The following DENND3 variants were observed in gnomAD, a reference collection of about 807,000 sequenced individuals.
The protein encoded by DENND3 is DENN domain-containing protein 3.
A neutral mutation model predicts 135.1 loss-of-function variants in DENND3; 88 were observed. The observed-to-expected ratio is 0.65, with a 90% confidence interval of 0.55 to 0.78. DENND3 has a LOEUF of 0.78. Among genes scored for constraint, DENND3 ranks in the 30% least tolerant of loss-of-function variants. DENND3 has a pLI of 0.00. For synonymous variants in DENND3, 693 were observed against 712.3 expected, an observed-to-expected ratio of 0.97 and a Z score of 0.43; for missense variants, 1,392 against 1,688.4, an observed-to-expected ratio of 0.82 and a Z score of 3.08.
intron 5 of DENND3, chr8:141,150,391 A>G (rs1295464995): frequency 8.8e-7 from 1 of 1,130,304 alleles, no homozygotes; most frequent in South Asian, 1.4e-5. Flanking sequence ...TTTGAAATGC[A>G]CATGTCTTGA....
intron 9 of DENND3, among the ~76,000 whole-genome samples, chr8:141,162,207 A>G (rs1383493813): frequency 2.0e-5 from 3 of 152,240 alleles, no homozygotes; most frequent in Non-Finnish European, 2.9e-5. Context: ...TCTCTGCTCA[A>G]AGAGGCATAA....
chr8:141,178,028 G>T, intron 15 of DENND3, 39 bp from the exon 16 acceptor site: 1 of 1,577,590 alleles, frequency 6.3e-7, no homozygotes, highest in South Asian at 1.1e-5. Flanking sequence ...TGATCTTAGT[G>T]ATTCTTGCTG....
intron 1 of DENND3, among the ~76,000 whole-genome samples, chr8:141,135,605 AC>A (rs1409456567): frequency 1.3e-5 from 2 of 152,124 alleles, no homozygotes; most frequent in Non-Finnish European, 2.9e-5. Context: ...TTGCTCGCAG[AC>A]TGCAGGGTGT....
Position 141,151,741 on chromosome 8 carries a change from C to G in DENND3, c.978C>G (p.Phe326Leu). 6.2e-7 allele frequency: 1 copy of G among 1,614,196 alleles called. No homozygotes were observed. Among genetic ancestry groups the G allele is most frequent in the Non-Finnish European group, 8.5e-7 (1 of 1,180,034 alleles). The change falls in exon 7 of 23, where the codon TTC becomes TTG. Residue 326 changes from phenylalanine to leucine, a missense_variant. Physicochemically the swap from Phe to Leu is conservative, Grantham distance 22 (BLOSUM62 0). Coordinates refer to ENST00000519811, the MANE Select transcript of DENND3 (RefSeq NM_001352890.3). Reference sequence around the variant, plus strand: ...ATCCGCTGCAGTGGCAGCACCCCTTCGTGCCCATCCTGTCGGACCAGATGC... The same window carrying G: ...ATCCGCTGCAGTGGCAGCACCCCTTGGTGCCCATCCTGTCGGACCAGATGC... ...YLYPLQWQHPFVPILSDQMLD... is the reference protein window; with the variant it reads ...YLYPLQWQHPLVPILSDQMLD...
At chr8:141,134,192 G>C (rs1816493194) in intron 1 of DENND3, among the ~76,000 whole-genome samples, 1 of 152,326 alleles carries the variant, frequency 6.6e-6, no homozygotes, top group Non-Finnish European at 1.5e-5. Context: ...GAAAGTTTTA[G>C]AGAAAGTGAC....
chr8:141,168,477 G>A lies in DENND3; in HGVS notation c.2227G>A (p.Val743Met), dbSNP rs555053490. ...GAAGCGGGTCCAGGAGTCAGGGATC[G>A]TGAAGGACGCCAGCATCATACACCG... ...FMKRVQESGI[V>M]KDASIIHRLF... The change falls in exon 13 of 23, where the codon GTG becomes ATG. Residue 743 changes from valine (V) to methionine (M), a missense_variant. Transcript: ENST00000519811. The surrounding 1 kb of genome is among the most constrained non-coding windows in gnomAD (Gnocchi z 6.2). 28 of 1,613,370 alleles carry A rather than the reference G, an allele frequency of 1.7e-5. No homozygotes were observed. In the Admixed American group the frequency reaches 2.5e-4, roughly 14 times the overall value.
Position 141,182,071 on chromosome 8 carries a change from C to T in DENND3, c.2944+1217C>T, listed in dbSNP as rs777155289. 2.4e-4 allele frequency among the ~76,000 whole-genome samples: 37 copies of T among 152,234 alleles called. 1 individual carries two copies. Among genetic ancestry groups the T allele is most frequent in the Admixed American group, 6.5e-5 (1 of 15,290 alleles). On this transcript the variant is annotated intron_variant, in intron 17 of 22. Coordinates refer to ENST00000519811, the MANE Select transcript of DENND3 (RefSeq NM_001352890.3). The surrounding 1 kb of genome is among the most constrained non-coding windows in gnomAD (Gnocchi z 5.9). ...TTGGCCTCCCGAAGCGCTGGGATTA[C>T]AGGTGTGAGCCACTGCGCCAGCCCA...
intron 8 of DENND3, among the ~76,000 whole-genome samples, chr8:141,160,304 G>C (rs1230866134): frequency 6.6e-6 from 1 of 151,598 alleles, no homozygotes; most frequent in Admixed American, 6.6e-5. Context: ...TCAGCCTCCC[G>C]AGTAGCTGGG....
At chr8:141,185,313 A>C (rs1180506795) in intron 18 of DENND3, 35 bp downstream of exon 18, 2 of 1,612,258 alleles carry the variant, frequency 1.2e-6, no homozygotes, top group South Asian at 1.1e-5. Flanking sequence ...GAAGCCTCTG[A>C]ATTCACGTGA....
intron 5 of DENND3, chr8:141,150,359 T>G (rs1283137664): frequency 8.0e-7 from 1 of 1,251,754 alleles, no homozygotes; most frequent in Non-Finnish European, 1.0e-6. Context: ...GTAATACATT[T>G]AGAAAAACGT....
intron 3 of DENND3, among the ~76,000 whole-genome samples, chr8:141,140,735 A>G (rs1157607630): frequency 6.6e-6 from 1 of 152,132 alleles, no homozygotes; most frequent in Non-Finnish European, 1.5e-5. Context: ...GTGAGCCCCA[A>G]ATACTTTGCC....
At position 141,144,666 on chromosome 8, in the gene DENND3, GGTCA is replaced by G. The variant is rs372968350; in HGVS notation, c.735+409_735+412del. Among the ~76,000 whole-genome samples, 426 of 152,284 alleles carry G rather than the reference GGTCA, an allele frequency of 2.8e-3. 2 individuals are homozygous for G. The highest frequency in any genetic ancestry group is 0.01 in the African/African-American group (418 of 41,558). ...AATTCCCGGCCATGACAGGAAGGAAGGTCAGACACGCCTTGTTATGCCCGCTCCC... is the reference window on the plus strand; with the variant it reads ...AATTCCCGGCCATGACAGGAAGGAAGGACACGCCTTGTTATGCCCGCTCCC... On this transcript the variant is annotated intron_variant, in intron 5 of 22. Coordinates refer to ENST00000519811, the MANE Select transcript of DENND3 (RefSeq NM_001352890.3). This position sits in a 1 kb window ranked among gnomAD's most constrained non-coding sequence, Gnocchi z 4.4.
At position 141,137,793 on chromosome 8, in the gene DENND3, C is replaced by T. The variant is rs899410346; in HGVS notation, c.386-229C>T. On this transcript the variant is annotated intron_variant, in intron 2 of 22. Coordinates refer to ENST00000519811, the MANE Select transcript of DENND3 (RefSeq NM_001352890.3). This position sits in a 1 kb window ranked among gnomAD's most constrained non-coding sequence, Gnocchi z 4.1. ...CGGCTGTGCCCAGCAAGCACTGCCACTGGCTGGCAGGTGCTTGAGAGCTTG... is the reference window on the plus strand; with the variant it reads ...CGGCTGTGCCCAGCAAGCACTGCCATTGGCTGGCAGGTGCTTGAGAGCTTG... 2.0e-5 allele frequency among the ~76,000 whole-genome samples: 3 copies of T among 152,234 alleles called. No individual in the cohort carries two copies. Among genetic ancestry groups the T allele is most frequent in the African/African-American group, 7.2e-5 (3 of 41,458 alleles).
intron 1 of DENND3, among the ~76,000 whole-genome samples, chr8:141,131,507 G>A (rs947238927): frequency 3.9e-5 from 6 of 152,344 alleles, no homozygotes; most frequent in Middle Eastern, 3.4e-3. Flanking sequence ...GCACCGTGCA[G>A]TACAATAGCC....
intron 8 of DENND3, chr8:141,158,388 A>C: frequency 8.7e-7 from 1 of 1,143,730 alleles, no homozygotes; most frequent in Non-Finnish European, 1.1e-6. Flanking sequence ...CCAGGAAGGT[A>C]GGATTCTGCC....
chr8:141,159,640 CA>C (rs1033460028), intron 8 of DENND3, among the ~76,000 whole-genome samples: 18 of 152,286 alleles, frequency 1.2e-4, no homozygotes, highest in Non-Finnish European at 2.2e-4. Context: ...CCATCCCTAG[CA>C]CACAGATCAG....
rs551914822 is a variant in DENND3, at chr8:141,144,478, G to A, written c.735+219G>A. ...AAAAAACAGAATGACTGGCCAGAATGGAAGGGAGGTCAGACACGCCTGGTT... is the reference window on the plus strand; with the variant it reads ...AAAAAACAGAATGACTGGCCAGAATAGAAGGGAGGTCAGACACGCCTGGTT... On this transcript the variant is annotated intron_variant, in intron 5 of 22. Transcript: ENST00000519811. This position sits in a 1 kb window ranked among gnomAD's most constrained non-coding sequence, Gnocchi z 4.4. 1.3e-5 allele frequency among the ~76,000 whole-genome samples: 2 copies of A among 152,116 alleles called. No homozygotes were observed. Among genetic ancestry groups the A allele is most frequent in the Non-Finnish European group, 2.9e-5 (2 of 68,026 alleles).
At chr8:141,180,906 G>C in intron 17 of DENND3, 52 bp downstream of exon 17, 1 of 1,497,574 alleles carries the variant, frequency 6.7e-7, no homozygotes, top group Non-Finnish European at 9.2e-7. Flanking sequence ...AATCTGATGC[G>C]CTTAGGTTTG....
chr8:141,190,740 G>A (rs554498287), intron 20 of DENND3: 3 of 254,824 alleles, frequency 1.2e-5, no homozygotes, highest in East Asian at 1.9e-4. Flanking sequence ...TGTGTCCCCC[G>A]GAGTCATGGC....
Sources: allele counts gnomAD v4.1 joint callset (sites outside exome capture counted in the v4.1 genomes callset), GRCh38; gene constraint gnomAD v4.1.1; non-coding constraint Gnocchi (gnomAD v3.1); transcripts MANE v1.5; gene names NCBI Gene and HGNC (gene_info 2026-07-23, HGNC 2026-07-21).